The following ZBTB39 variants were observed in gnomAD, a reference collection of about 807,000 sequenced individuals.
ZBTB39 encodes the protein zinc finger and BTB domain-containing protein 39.
Under a neutral mutation model 39.4 loss-of-function variants are expected in ZBTB39, and 25 were observed. The ratio of observed to expected loss-of-function variants is 0.63; its 90% CI spans 0.46 to 0.89. The LOEUF is 0.89. ZBTB39 is among the 40% of genes least tolerant of loss of function. The pLI is 0.00. For synonymous variants in ZBTB39, 373 were observed against 359.6 expected (o/e 1.04, Z -0.42); for missense variants, 891 against 909.7 (o/e 0.98, Z 0.26).
chr12:56,999,768 C>A lies in ZBTB39; in HGVS notation c.*3011G>T, dbSNP rs550120531. On this transcript the variant is annotated 3_prime_UTR_variant, in exon 2 of 2. Coordinates refer to ENST00000300101, the MANE Select transcript of ZBTB39 (RefSeq NM_014830.3). ...CACACAAGTATTACCATTTTCCCCTCGGAAAACAAGTTGGGAATGGCCTCA... is the reference window on the plus strand; with the variant it reads ...CACACAAGTATTACCATTTTCCCCTAGGAAAACAAGTTGGGAATGGCCTCA... 5 of 152,260 alleles carry A rather than the reference C, an allele frequency of 3.3e-5. No individual in the cohort carries two copies. The East Asian group carries it at 9.7e-4, about 29-fold the overall frequency. 9.4% of individuals were successfully genotyped at this position (152,260 alleles called of 1,614,324 possible).
Position 57,000,027 on chromosome 12 carries a change from A to C in ZBTB39, c.*2752T>G, listed in dbSNP as rs1381964855. ...AGAAAGTCAAAACAATTAAAAATGC[A>C]AAATAAAATGAATACCTTCTACCAG... On this transcript the variant is annotated 3_prime_UTR_variant, in exon 2 of 2. Coordinates refer to ENST00000300101, the MANE Select transcript of ZBTB39 (RefSeq NM_014830.3). 6.6e-6 allele frequency: 1 copy of C among 152,260 alleles called. No homozygotes were observed. Among genetic ancestry groups the C allele is most frequent in the Non-Finnish European group, 1.5e-5 (1 of 68,058 alleles). The allele number at this position is 152,260 out of a possible 1,614,324, so 9.4% of individuals were successfully genotyped here.
At position 57,003,683 on chromosome 12, in the gene ZBTB39, TG is replaced by T. The variant is rs1316425023; in HGVS notation, c.1234del (p.Gln412SerfsTer4). 1 of 1,614,090 alleles carries T rather than the reference TG, an allele frequency of 6.2e-7. No individual in the cohort carries two copies. Among genetic ancestry groups the T allele is most frequent in the Non-Finnish European group, 8.5e-7 (1 of 1,180,046 alleles). On this transcript the variant is annotated frameshift_variant, in exon 2 of 2. Transcript: ENST00000300101. LOFTEE classifies it high-confidence loss of function. This position sits in a 1 kb window ranked among gnomAD's most constrained non-coding sequence, Gnocchi z 4.8. ...CCGTCGGTGAAGGGTCAGCTGCCAC[TG>T]GGTAAAGAACTTAGTTTCACACATG... ...CDMCETKFFTQWQLTLHRRDG... is the reference protein window; with the variant it reads ...CDMCETKFFTXWQLTLHRRDG...
In ZBTB39 at chr12:57,003,828, G is replaced by C. The variant is rs143767392; in HGVS notation, c.1090C>G (p.Arg364Gly). The change falls in exon 2 of 2, where the codon CGG (arginine) becomes GGG (glycine). Residue 364 changes from arginine (R) to glycine (G), a missense_variant. Physicochemically the swap from Arg to Gly is moderately radical, Grantham distance 125 (BLOSUM62 -2). Transcript: ENST00000300101. The surrounding 1 kb of genome is among the most constrained non-coding windows in gnomAD (Gnocchi z 4.8). ...CCCGTCAGCAGGTCCACATGGTCCC[G>C]AGCATGCTGCCGGATCAGTTGAATG... The part of the protein sequence containing the change: ...PNIQLIRQHA[R>G]DHVDLLTGNC... The C allele has an allele frequency of 4.3e-4, 693 of 1,614,180 alleles. No individual in the cohort carries two copies. Among genetic ancestry groups the C allele is most frequent in the Non-Finnish European group, 5.5e-4 (650 of 1,180,034 alleles).
At position 57,003,432 on chromosome 12, in the gene ZBTB39, T is replaced by A. The variant is rs201980717; in HGVS notation, c.1486A>T (p.Met496Leu). ...DQRHLNLCSL[M>L]WHTLSHLGIS... ...CCGAGATGGGACAGCGTGTGCCACA[T>A]GAGGCTGCAGAGGTTAAGGTGACGC... is the stretch of plus-strand genomic sequence containing the variant. Residue 496 changes from methionine (M) to leucine (L), a missense_variant, in exon 2 of 2, where the codon ATG becomes TTG. Met to Leu is a conservative substitution (Grantham distance 15). Transcript: ENST00000300101. This position sits in a 1 kb window ranked among gnomAD's most constrained non-coding sequence, Gnocchi z 4.8. 4 of 1,614,150 alleles carry A rather than the reference T, an allele frequency of 2.5e-6. No homozygotes were observed. Among genetic ancestry groups the A allele is most frequent in the African/African-American group, 2.7e-5 (2 of 75,048 alleles).
In ZBTB39 at chr12:57,001,964, T is replaced by C. The variant is rs189663534; in HGVS notation, c.*815A>G. Reference sequence around the variant, plus strand: ...GCCAAAACAGATGACTATATCAAAGTGGTTCCCTATCCTCTCTGCCCCACA... The same window carrying C: ...GCCAAAACAGATGACTATATCAAAGCGGTTCCCTATCCTCTCTGCCCCACA... On this transcript the variant is annotated 3_prime_UTR_variant, in exon 2 of 2. Transcript: ENST00000300101. 32 of 152,384 alleles carry C rather than the reference T, an allele frequency of 2.1e-4. No homozygotes were observed. The highest frequency in any genetic ancestry group is 5.2e-4 in the Admixed American group (8 of 15,266). 9.4% of individuals were successfully genotyped at this position (152,384 alleles called of 1,614,324 possible). A position where few individuals can be genotyped will look rare whatever the true frequency, so the allele number is the denominator to read the frequency against.
rs147048620 is a variant in ZBTB39 at position 56,998,986 on chromosome 12, A to C, written c.*3793T>G. The C allele has an allele frequency of 5.2e-5, 8 of 152,776 alleles. No homozygotes were observed. The highest frequency in any genetic ancestry group is 1.7e-4 in the African/African-American group (7 of 41,568). The allele number at this position is 152,776 out of a possible 1,614,324, so 9.5% of individuals were successfully genotyped here. A position where few individuals can be genotyped will look rare whatever the true frequency, so the allele number is the denominator to read the frequency against. Reference sequence around the variant, plus strand: ...CAAAACTTTACAGCAATAGATAGTAAACACTTAAATATTAGGAGGTCAGTA... The same window carrying C: ...CAAAACTTTACAGCAATAGATAGTACACACTTAAATATTAGGAGGTCAGTA... On this transcript the variant is annotated 3_prime_UTR_variant, in exon 2 of 2. Coordinates refer to ENST00000300101, the MANE Select transcript of ZBTB39 (RefSeq NM_014830.3).
chr12:57,004,336 G>C lies in ZBTB39; in HGVS notation c.582C>G (p.Asn194Lys). The change falls in exon 2 of 2, where the codon AAC becomes AAG. Residue 194 changes from asparagine (N) to lysine (K), a missense_variant. Physicochemically the swap from Asn to Lys is moderately conservative, Grantham distance 94. Coordinates refer to ENST00000300101, the MANE Select transcript of ZBTB39 (RefSeq NM_014830.3). The stretch of plus-strand genomic sequence containing the variant: ...GCGGTTGCGGCAGATGCAGGCTATG[G>C]TTAGCGTCACTGGCAACATTCTTCT... ...EEEKNVASDA[N>K]HSLHLPQPPP... 1.2e-6 allele frequency: 2 copies of C among 1,614,176 alleles called. No individual in the cohort carries two copies. Among genetic ancestry groups the C allele is most frequent in the Non-Finnish European group, 1.7e-6 (2 of 1,180,026 alleles).
At position 57,004,852 on chromosome 12, in the gene ZBTB39, C is replaced by T. The variant is rs554016027; in HGVS notation, c.66G>A (p.Lys22=). The T allele has an allele frequency of 1.2e-6, 2 of 1,613,726 alleles. No homozygotes were observed. The highest frequency in any genetic ancestry group is 1.1e-5 in the South Asian group (1 of 90,990). Residue 22 remains lysine (K), a synonymous_variant, in exon 2 of 2, where the codon AAG becomes AAA. Coordinates refer to ENST00000300101, the MANE Select transcript of ZBTB39 (RefSeq NM_014830.3). ...CGCACATGGTCTCTGAGAGCCGGCACTTGTTGAGTTCCTTCAGCAGGTTGT... is the reference window on the plus strand; with the variant it reads ...CGCACATGGTCTCTGAGAGCCGGCATTTGTTGAGTTCCTTCAGCAGGTTGT... ...HPNNLLKELN[K]CRLSETMCDV...
rs1295711236 is a variant in ZBTB39 at position 57,003,630 on chromosome 12, C to T, written c.1288G>A (p.Val430Ile). The T allele has an allele frequency of 6.2e-7, 1 of 1,614,160 alleles. No individual in the cohort carries two copies. ...RDGIFENNII[V>I]HPNDPLPGKL... ...CCTGGCAGGGGATCGTTGGGGTGGA[C>T]AATGATGTTGTTCTCAAATATTCCA... Residue 430 changes from valine (V) to isoleucine (I), a missense_variant, in exon 2 of 2, where the codon GTC becomes ATC. Physicochemically the swap from Val to Ile is conservative, Grantham distance 29. Transcript: ENST00000300101. This position sits in a 1 kb window ranked among gnomAD's most constrained non-coding sequence, Gnocchi z 4.8.
chr12:57,003,339 T>C lies in ZBTB39; in HGVS notation c.1579A>G (p.Met527Val), dbSNP rs750842664. The change falls in exon 2 of 2, where the codon ATG (methionine) becomes GTG (valine). Residue 527 changes from methionine (M) to valine (V), a missense_variant. Physicochemically the swap from Met to Val is conservative, Grantham distance 21. Coordinates refer to ENST00000300101, the MANE Select transcript of ZBTB39 (RefSeq NM_014830.3). The surrounding 1 kb of genome is among the most constrained non-coding windows in gnomAD (Gnocchi z 4.8). ...FVDWHLLEKHMAVHQSLEDAL... is the reference protein window; with the variant it reads ...FVDWHLLEKHVAVHQSLEDAL... Reference sequence around the variant, plus strand: ...TCTTCCAGACTTTGGTGCACAGCCATGTGCTTCTCTAGAAGATGCCAGTCC... The same window carrying C: ...TCTTCCAGACTTTGGTGCACAGCCACGTGCTTCTCTAGAAGATGCCAGTCC... 5 of 1,613,872 alleles carry C rather than the reference T, an allele frequency of 3.1e-6. No individual in the cohort carries two copies. The highest frequency in any genetic ancestry group is 2.5e-6 in the Non-Finnish European group (3 of 1,179,870).
chr12:57,004,812 C>A lies in ZBTB39; in HGVS notation c.106G>T (p.Val36Leu). The change falls in exon 2 of 2, where the codon GTG (valine) becomes TTG (leucine). Residue 36 changes from valine to leucine, a missense_variant. By Grantham distance (32) the Val-to-Leu change is conservative. Coordinates refer to ENST00000300101, the MANE Select transcript of ZBTB39 (RefSeq NM_014830.3). The part of the protein sequence containing the change: ...SETMCDVTIV[V>L]GSRSFPAHKA... ...TGGGCCGGGAAGGAGCGGCTCCCCA[C>A]CACAATGGTGACGTCGCACATGGTC... is the stretch of plus-strand genomic sequence containing the variant. 1 of 1,614,230 alleles carries A rather than the reference C, an allele frequency of 6.2e-7. No homozygotes were observed. Among genetic ancestry groups the A allele is most frequent in the Non-Finnish European group, 8.5e-7 (1 of 1,180,030 alleles).
In ZBTB39 at chr12:57,003,810, G is replaced by T. The variant is rs1260587448; in HGVS notation, c.1108C>A (p.Leu370Met). The T allele has an allele frequency of 5.0e-6, 8 of 1,614,202 alleles. No homozygotes were observed. The East Asian group carries it at 8.9e-5, about 18-fold the overall frequency. ...RQHARDHVDL[L>M]TGNCKVCETH... ...TCGCAGACCTTGCAGTTGCCCGTCAGCAGGTCCACATGGTCCCGAGCATGC... is the reference window on the plus strand; with the variant it reads ...TCGCAGACCTTGCAGTTGCCCGTCATCAGGTCCACATGGTCCCGAGCATGC... Residue 370 changes from leucine (L) to methionine (M), a missense_variant, in exon 2 of 2, where the codon CTG becomes ATG. Physicochemically the swap from Leu to Met is conservative, Grantham distance 15 (BLOSUM62 2). Coordinates refer to ENST00000300101, the MANE Select transcript of ZBTB39 (RefSeq NM_014830.3). The surrounding 1 kb of genome is among the most constrained non-coding windows in gnomAD (Gnocchi z 4.8).
chr12:57,005,036 C>A, intron 1 of ZBTB39, 75 bp from the exon 2 acceptor site: 1 of 1,100,526 alleles, frequency 9.1e-7, no homozygotes, highest in South Asian at 1.7e-5. Context: ...GAGAAAATAC[C>A]ATCACTCTGA....
chr12:57,003,888 G>A lies in ZBTB39; in HGVS notation c.1030C>T (p.Pro344Ser). 1 of 1,614,184 alleles carries A rather than the reference G, an allele frequency of 6.2e-7. No homozygotes were observed. The highest frequency in any genetic ancestry group is 8.5e-7 in the Non-Finnish European group (1 of 1,180,026). ...ENDNRENKAMPCQVCKKVLEP... is the reference protein window; with the variant it reads ...ENDNRENKAMSCQVCKKVLEP... ...AGAACTTTCTTGCACACCTGGCAGGGCATGGCCTTATTCTCCCGATTGTCA... is the reference window on the plus strand; with the variant it reads ...AGAACTTTCTTGCACACCTGGCAGGACATGGCCTTATTCTCCCGATTGTCA... Residue 344 changes from proline (P) to serine (S), a missense_variant, in exon 2 of 2, where the codon CCC becomes TCC. Pro to Ser is a moderately conservative substitution (Grantham distance 74, BLOSUM62 -1). Coordinates refer to ENST00000300101, the MANE Select transcript of ZBTB39 (RefSeq NM_014830.3). This position sits in a 1 kb window ranked among gnomAD's most constrained non-coding sequence, Gnocchi z 4.8.
Position 57,002,874 on chromosome 12 carries a change from C to T in ZBTB39, c.2044G>A (p.Val682Met), listed in dbSNP as rs1956218051. The change falls in exon 2 of 2, where the codon GTG becomes ATG. Residue 682 changes from valine (V) to methionine (M), a missense_variant. Physicochemically the swap from Val to Met is conservative, Grantham distance 21. Transcript: ENST00000300101. The stretch of plus-strand genomic sequence containing the variant: ...TCAGGGGGGAGGCTGCCTTTGTGCA[C>T]ACCAACATGTTTGCTCATGAGGTTA... The part of the protein sequence containing the change: ...TLNLMSKHVG[V>M]HKGSLPPDFT... 2 of 1,614,044 alleles carry T rather than the reference C, an allele frequency of 1.2e-6. No individual in the cohort carries two copies. Among genetic ancestry groups the T allele is most frequent in the Non-Finnish European group, 1.7e-6 (2 of 1,180,044 alleles).
Position 57,003,378 on chromosome 12 carries a change from C to A in ZBTB39, c.1540G>T (p.Ala514Ser). Residue 514 changes from alanine to serine, a missense_variant, in exon 2 of 2, where the codon GCG becomes TCG. Coordinates refer to ENST00000300101, the MANE Select transcript of ZBTB39 (RefSeq NM_014830.3). This position sits in a 1 kb window ranked among gnomAD's most constrained non-coding sequence, Gnocchi z 4.8. ...AGATGCCAGTCCACAAAGCTGTTCG[C>A]ACAGACAGAACAGGAGAAGACTGAG... ...GISVFSCSVC[A>S]NSFVDWHLLE... The A allele has an allele frequency of 1.2e-6, 2 of 1,614,136 alleles. No homozygotes were observed. The highest frequency in any genetic ancestry group is 8.5e-7 in the Non-Finnish European group (1 of 1,179,984).
intron 1 of ZBTB39, among the ~76,000 whole-genome samples, chr12:57,005,636 T>G (rs1956240543): frequency 6.6e-6 from 1 of 152,234 alleles, no homozygotes; most frequent in African/African-American, 2.4e-5. Flanking sequence ...AGAACACAAC[T>G]GTGGTAGTAT....
Position 57,004,237 on chromosome 12 carries a change from C to T in ZBTB39, c.681G>A (p.Gln227=), listed in dbSNP as rs766045441. 8.1e-6 allele frequency: 13 copies of T among 1,614,032 alleles called. No homozygotes were observed. The African/African-American group carries it at 1.6e-4, about 20-fold the overall frequency. ...PFTSIPSMMT[Q]PLLGTVSTGI... is the part of the protein sequence containing the mutation. Reference sequence around the variant, plus strand: ...CCGTGCTGACAGTGCCTAGGAGTGGCTGGGTCATCATGCTAGGAATGGACG... The same window carrying T: ...CCGTGCTGACAGTGCCTAGGAGTGGTTGGGTCATCATGCTAGGAATGGACG... The change falls in exon 2 of 2, where the codon CAG becomes CAA. Residue 227 remains glutamine, a synonymous_variant. Transcript: ENST00000300101.
Position 57,004,133 on chromosome 12 carries a change from G to T in ZBTB39, c.785C>A (p.Thr262Asn). The T allele has an allele frequency of 6.2e-7, 1 of 1,614,224 alleles. No homozygotes were observed. Among genetic ancestry groups the T allele is most frequent in the Non-Finnish European group, 8.5e-7 (1 of 1,180,044 alleles). The change falls in exon 2 of 2, where the codon ACC (threonine) becomes AAC (asparagine). Residue 262 changes from threonine to asparagine, a missense_variant. Physicochemically the swap from Thr to Asn is moderately conservative, Grantham distance 65 (BLOSUM62 0). Coordinates refer to ENST00000300101, the MANE Select transcript of ZBTB39 (RefSeq NM_014830.3). ...GGTAATGTCTACTGCATTGTCAGGG[G>T]TGAGGAAGCTGTTTTTACTGAAGTC... ...NGDFSKNSFL[T>N]PDNAVDITTG...
Sources: allele counts gnomAD v4.1 joint callset (sites outside exome capture counted in the v4.1 genomes callset), GRCh38; gene constraint gnomAD v4.1.1; non-coding constraint Gnocchi (gnomAD v3.1); transcripts MANE v1.5; gene names NCBI Gene and HGNC (gene_info 2026-07-23, HGNC 2026-07-21).